Variants in EPHB1 observed in about 807,000 individuals in gnomAD.
EPHB1 encodes EPH receptor B1.
In EPHB1, 30 loss-of-function variants were observed where a neutral mutation model predicts 94.4. The observed-to-expected ratio is 0.32, with a 90% CI of 0.24 to 0.43. The LOEUF (loss-of-function observed/expected upper bound fraction) is 0.43. Among genes scored for constraint, EPHB1 ranks in the 20% least tolerant of loss-of-function variants. EPHB1 has a pLI of 1.00. For synonymous variants in EPHB1, 522 were observed against 489.1 expected (o/e 1.07, Z -0.89); for missense variants, 1,055 against 1,308.3 (o/e 0.81, Z 2.99).
intron 3 of EPHB1, among the ~76,000 whole-genome samples, chr3:134,996,802 C>A (rs1935010235): frequency 6.6e-6 from 1 of 151,706 alleles, no homozygotes; most frequent in African/African-American, 2.4e-5. Flanking sequence ...ATCTTGAATG[C>A]CTGTTCATAT....
chr3:135,142,729 T>C (rs974617458), intron 5 of EPHB1, among the ~76,000 whole-genome samples: 8 of 152,070 alleles, frequency 5.3e-5, no homozygotes, highest in African/African-American at 1.9e-4. Flanking sequence ...GGAAGAGTTG[T>C]AGAGGCCAGG....
At chr3:134,878,102 C>T (rs1270219702) in intron 1 of EPHB1, among the ~76,000 whole-genome samples, 2 of 152,212 alleles carry the variant, frequency 1.3e-5, no homozygotes, top group East Asian at 3.8e-4. Context: ...GTTTTCCAAC[C>T]CCAGCTGAGG....
At chr3:135,192,120 T>C (rs542015210) in intron 10 of EPHB1, among the ~76,000 whole-genome samples, 1 of 152,332 alleles carries the variant, frequency 6.6e-6, no homozygotes, top group South Asian at 2.1e-4. Context: ...CTCCCAGCAG[T>C]GTAGGAACAT....
At chr3:134,998,378 C>T (rs374077559) in intron 3 of EPHB1, among the ~76,000 whole-genome samples, 1 of 152,160 alleles carries the variant, frequency 6.6e-6, no homozygotes, top group East Asian at 1.9e-4. Flanking sequence ...CACAACATAG[C>T]CCAGTTCCTC....
chr3:135,021,716 A>G (rs777613139), intron 3 of EPHB1, among the ~76,000 whole-genome samples: 1 of 152,190 alleles, frequency 6.6e-6, no homozygotes, highest in African/African-American at 2.4e-5. Flanking sequence ...GTGAAGGGGA[A>G]TAAGATTATT....
chr3:135,163,495 C>T (rs1030787323), intron 7 of EPHB1, among the ~76,000 whole-genome samples: 19 of 152,062 alleles, frequency 1.2e-4, no homozygotes, highest in South Asian at 2.1e-4. Flanking sequence ...GAGAGGTGAG[C>T]CAGTTAATTC....
At chr3:134,818,413 A>G (rs1808118) in intron 1 of EPHB1, among the ~76,000 whole-genome samples, 18,163 of 152,154 alleles carry the variant, frequency 0.12, 2,629 homozygotes, top group African/African-American at 0.35. Flanking sequence ...GGGTACAGGT[A>G]GTATTTGGTT....
At chr3:135,079,777 T>C (rs921867815) in intron 3 of EPHB1, among the ~76,000 whole-genome samples, 1 of 152,148 alleles carries the variant, frequency 6.6e-6, no homozygotes, top group African/African-American at 2.4e-5. Flanking sequence ...TCAGAGGCAC[T>C]GCAGAGGAAT....
At chr3:135,193,360 A>G (rs1224619943) in intron 11 of EPHB1, among the ~76,000 whole-genome samples, 1 of 152,266 alleles carries the variant, frequency 6.6e-6, no homozygotes, top group Non-Finnish European at 1.5e-5. Context: ...GAAGATTCCC[A>G]ACCAACTTGC....
At chr3:135,216,724 GGGA>G (rs1205162082) in intron 12 of EPHB1, among the ~76,000 whole-genome samples, 3 of 48,850 alleles carry the variant, frequency 6.1e-5, no homozygotes, top group Non-Finnish European at 1.4e-4. Context: ...CTCTGTCTCA[GGGA>G]AAAAAAAAAA....
chr3:134,952,193 G>T, intron 3 of EPHB1, 141 bp downstream of exon 3: 1 of 850,752 alleles, frequency 1.2e-6, no homozygotes, highest in Non-Finnish European at 1.8e-6. Flanking sequence ...CCCATTCCTA[G>T]TGCTAGGCCT....
intron 7 of EPHB1, among the ~76,000 whole-genome samples, chr3:135,163,060 C>T (rs926682021): frequency 6.6e-6 from 1 of 152,074 alleles, no homozygotes; most frequent in African/African-American, 2.4e-5. Flanking sequence ...TCCATTTTTC[C>T]TTCATTAATT....
intron 12 of EPHB1, among the ~76,000 whole-genome samples, chr3:135,204,179 GTTATC>G: frequency 7.7e-6 from 1 of 130,356 alleles, no homozygotes; most frequent in African/African-American, 2.7e-5. Flanking sequence ...TACCCTTTTA[GTTATC>G]TTAATTAATT....
chr3:135,044,385 G>A (rs2107767729), intron 3 of EPHB1, among the ~76,000 whole-genome samples: 1 of 152,320 alleles, frequency 6.6e-6, no homozygotes, highest in South Asian at 2.1e-4. Context: ...GTGGGTAAAG[G>A]CCAGTATCCA....
intron 2 of EPHB1, among the ~76,000 whole-genome samples, chr3:134,929,199 A>G (rs1023050017): frequency 6.6e-6 from 1 of 152,212 alleles, no homozygotes; most frequent in African/African-American, 2.4e-5. Flanking sequence ...AGGCACCTAC[A>G]GAGAGCTGAG....
At chr3:135,056,323 G>A (rs547549967) in intron 3 of EPHB1, among the ~76,000 whole-genome samples, 66 of 152,322 alleles carry the variant, frequency 4.3e-4, no homozygotes, top group South Asian at 1.9e-3. Flanking sequence ...TCATCTCTCC[G>A]TCAGGCTGCG....
At chr3:134,915,593 G>A (rs569604057) in intron 1 of EPHB1, among the ~76,000 whole-genome samples, 18 of 152,184 alleles carry the variant, frequency 1.2e-4, no homozygotes, top group South Asian at 2.1e-4. Flanking sequence ...TCTTAAAGGC[G>A]GCGTGTCTGG....
At position 135,259,009 on chromosome 3, in the gene EPHB1, T is replaced by C; in HGVS notation, c.2847-3T>C. 1 of 1,601,892 alleles carries C rather than the reference T, an allele frequency of 6.2e-7. No homozygotes were observed. The highest frequency in any genetic ancestry group is 8.5e-7 in the Non-Finnish European group (1 of 1,173,862). ...GACTTCTTTTCTGGCTCTTTCCTCC[T>C]AGAGACCTCCTGAGAATAGGCATCA... On this transcript the variant is annotated splice_polypyrimidine_tract_variant and splice_region_variant and intron_variant, in intron 15 of 15. Coordinates refer to ENST00000398015, the MANE Select transcript of EPHB1 (RefSeq NM_004441.5).
chr3:135,155,935 AG>A (rs1469604899), intron 6 of EPHB1, among the ~76,000 whole-genome samples: 1 of 152,040 alleles, frequency 6.6e-6, no homozygotes, highest in Non-Finnish European at 1.5e-5. Context: ...AGAGCCTAGT[AG>A]ATCTACAATT....
Sources: allele counts gnomAD v4.1 joint callset (sites outside exome capture counted in the v4.1 genomes callset), GRCh38; gene constraint gnomAD v4.1.1; transcripts MANE v1.5; gene names NCBI Gene and HGNC (gene_info 2026-07-23, HGNC 2026-07-21).